Variants in GFRA1 observed in about 807,000 individuals in gnomAD.
GFRA1 encodes GDNF family receptor alpha 1, also known as GDNF family receptor alpha-1.
GFRA1 carries 16 observed loss-of-function variants against 51.6 expected under a neutral mutation model. That is an observed-to-expected ratio of 0.31 (90% CI 0.21 to 0.47). The LOEUF (loss-of-function observed/expected upper bound fraction) is 0.47, where lower values mean the gene tolerates loss of function less well. Ranked by LOEUF, GFRA1 falls within the 20% of genes least tolerant of loss-of-function variation. The pLI is 1.00. For synonymous variants in GFRA1, 270 were observed against 241.3 expected (o/e 1.12, Z -1.10); for missense variants, 530 against 594.3 (o/e 0.89, Z 1.13).
chr10:116,108,723 C>A (rs1020220740), intron 6 of GFRA1, among the ~76,000 whole-genome samples: 2 of 152,174 alleles, frequency 1.3e-5, no homozygotes, highest in Non-Finnish European at 2.9e-5. Flanking sequence ...ACTGGCTCTG[C>A]GCCCCGAGCA....
intron 4 of GFRA1, chr10:116,255,508 A>C (rs1968762802): frequency 7.0e-4 from 451 of 648,096 alleles, no homozygotes; most frequent in Non-Finnish European, 7.8e-4. Flanking sequence ...AAAAAAAAAC[A>C]AAAAAAAAAA....
intron 4 of GFRA1, among the ~76,000 whole-genome samples, chr10:116,241,112 A>G (rs1238204410): frequency 2.0e-5 from 3 of 149,048 alleles, no homozygotes; most frequent in Non-Finnish European, 4.4e-5. Flanking sequence ...ATAGTGGATA[A>G]TTTAGAATTT....
intron 4 of GFRA1, among the ~76,000 whole-genome samples, chr10:116,266,253 C>A (rs2134793606): frequency 6.6e-6 from 1 of 152,250 alleles, no homozygotes; most frequent in Non-Finnish European, 1.5e-5. Flanking sequence ...TCATGTTGGG[C>A]AGAGAAATCC....
intron 4 of GFRA1, among the ~76,000 whole-genome samples, chr10:116,233,327 CA>C (rs1225948314): frequency 7.5e-4 from 106 of 140,930 alleles, no homozygotes; most frequent in South Asian, 9.1e-4. Context: ...GACTCCATCT[CA>C]AAAAAAAAAA....
intron 9 of GFRA1, among the ~76,000 whole-genome samples, chr10:116,071,892 C>T (rs1260167088): frequency 2.6e-5 from 4 of 151,916 alleles, no homozygotes; most frequent in Non-Finnish European, 5.9e-5. Context: ...TTGGAGTTCC[C>T]TGGCTTATGT....
At chr10:116,176,840 T>G (rs1273556288) in intron 5 of GFRA1, among the ~76,000 whole-genome samples, 1 of 151,776 alleles carries the variant, frequency 6.6e-6, no homozygotes, top group East Asian at 1.9e-4. Context: ...GAAGTTAACT[T>G]CCAGGAACAA....
intron 5 of GFRA1, among the ~76,000 whole-genome samples, chr10:116,190,205 C>T (rs1963125359): frequency 6.6e-6 from 1 of 152,184 alleles, no homozygotes; most frequent in African/African-American, 2.4e-5. Context: ...CTGGCAATTC[C>T]CCTGCACTCA....
Position 116,166,561 on chromosome 10 carries a change from C to T in GFRA1, c.434-41004G>A, listed in dbSNP as rs563227345. Among the ~76,000 whole-genome samples the T allele has an allele frequency of 4.6e-5, 7 of 152,198 alleles. No individual in the cohort carries two copies. In the South Asian group the frequency reaches 1.5e-3, roughly 32 times the overall value. On this transcript the variant is annotated intron_variant, in intron 5 of 10. Coordinates refer to ENST00000355422, the MANE Select transcript of GFRA1 (RefSeq NM_005264.8). ...ATCTCCTTTTCCCAACAACACCTTC[C>T]CCCGGCCGTGCAGCCTCTACTATGT...
At chr10:116,183,607 T>C (rs947865955) in intron 5 of GFRA1, among the ~76,000 whole-genome samples, 2 of 152,194 alleles carry the variant, frequency 1.3e-5, no homozygotes, top group Non-Finnish European at 2.9e-5. Flanking sequence ...ACAGCACTGC[T>C]GGTTCTCCCT....
chr10:116,193,625 G>C (rs530936957), intron 5 of GFRA1, among the ~76,000 whole-genome samples: 14 of 152,270 alleles, frequency 9.2e-5, no homozygotes, highest in African/African-American at 2.9e-4. Flanking sequence ...AGAAGAGACA[G>C]AGAGGGATGC....
chr10:116,106,955 C>A (rs905879729), intron 6 of GFRA1, among the ~76,000 whole-genome samples: 2 of 152,206 alleles, frequency 1.3e-5, no homozygotes, highest in African/African-American at 4.8e-5. Flanking sequence ...CCATGTGAGA[C>A]ACCGGCAATC....
In GFRA1 at chr10:116,088,845, C is replaced by T. The variant is rs58953416; in HGVS notation, c.1197+896G>A. ...CTAAGGCAGGAGAATGGCGTGAACC[C>T]GGGAGGCGGAGCTTGCAGTGAGCCG... On this transcript the variant is annotated intron_variant, in intron 9 of 10. Coordinates refer to ENST00000355422, the MANE Select transcript of GFRA1 (RefSeq NM_005264.8). Among the ~76,000 whole-genome samples the T allele has an allele frequency of 5.3e-3, 758 of 142,678 alleles. 8 individuals are homozygous for T. Among genetic ancestry groups the T allele is most frequent in the African/African-American group, 0.018 (715 of 38,872 alleles). The allele number at this position is 142,678 out of a possible 152,430, so 93.6% of individuals were successfully genotyped here.
chr10:116,085,041 C>T lies in GFRA1; in HGVS notation c.1197+4700G>A, dbSNP rs543205195. On this transcript the variant is annotated intron_variant, in intron 9 of 10. Transcript: ENST00000355422. ...GGAGCTTGGCGGGTAACCCAAAACC[C>T]GGTATTTTATCACCTCAGGGGGTTA... Among the ~76,000 whole-genome samples the T allele has an allele frequency of 2.2e-4, 33 of 152,244 alleles. No individual in the cohort carries two copies. In the South Asian group the frequency reaches 4.3e-3, roughly 20 times the overall value.
intron 5 of GFRA1, among the ~76,000 whole-genome samples, chr10:116,173,878 C>A (rs969850909): frequency 7.0e-6 from 1 of 143,410 alleles, no homozygotes; most frequent in Admixed American, 7.0e-5. Flanking sequence ...GGAGTTCGAT[C>A]GAGACCAGCC....
chr10:116,148,056 A>ATG (rs1555158852), intron 5 of GFRA1, among the ~76,000 whole-genome samples: 87,701 of 136,494 alleles, frequency 0.64, 28,201 homozygotes, highest in Middle Eastern at 0.73. Flanking sequence ...GTGTGCATGC[A>ATG]TGTGTGCATG....
At chr10:116,142,433 C>T (rs1958611447) in intron 5 of GFRA1, among the ~76,000 whole-genome samples, 1 of 152,152 alleles carries the variant, frequency 6.6e-6, no homozygotes, top group South Asian at 2.1e-4. Context: ...AAAATAAAGT[C>T]ATCTGTGGAT....
At chr10:116,174,923 A>G (rs949462758) in intron 5 of GFRA1, among the ~76,000 whole-genome samples, 2 of 152,174 alleles carry the variant, frequency 1.3e-5, no homozygotes, top group African/African-American at 4.8e-5. Context: ...GATTTGCACC[A>G]CCGTTCCTTA....
chr10:116,270,718 C>A, intron 3 of GFRA1, 104 bp downstream of exon 3: 1 of 935,896 alleles, frequency 1.1e-6, no homozygotes. Flanking sequence ...CACTCTGCAG[C>A]TGGGGAGAAG....
rs1052959 is a variant in GFRA1, at chr10:116,064,360, G to T, written c.*38C>A. ...ACAGGAAACAGATAACTTGGTTTTT[G>T]TCTTTTTACATGTCCATATTGTATT... On this transcript the variant is annotated 3_prime_UTR_variant, in exon 11 of 11. Coordinates refer to ENST00000355422, the MANE Select transcript of GFRA1 (RefSeq NM_005264.8). 6.3e-7 allele frequency: 1 copy of T among 1,585,826 alleles called. No homozygotes were observed. Among genetic ancestry groups the T allele is most frequent in the Non-Finnish European group, 8.6e-7 (1 of 1,157,746 alleles).
Sources: allele counts gnomAD v4.1 joint callset (sites outside exome capture counted in the v4.1 genomes callset), GRCh38; gene constraint gnomAD v4.1.1; transcripts MANE v1.5; gene names NCBI Gene and HGNC (gene_info 2026-07-23, HGNC 2026-07-21).